The following ZNF429 variants were observed in gnomAD, a reference collection of about 807,000 sequenced individuals.
ZNF429 encodes the protein zinc finger protein 429.
ZNF429 carries 53 observed loss-of-function variants against 56.8 expected under a neutral mutation model. The ratio of observed to expected loss-of-function variants is 0.93; its 90% confidence interval spans 0.75 to 1.17. The LOEUF is 1.17. ZNF429 is among the 50% of genes most tolerant of loss of function. ZNF429 has a pLI of 0.00. For missense variants in ZNF429, 849 were observed against 788.4 expected (o/e 1.08, Z -0.92); for synonymous variants, 278 against 264.7 (o/e 1.05, Z -0.49).
intron 1 of ZNF429, among the ~76,000 whole-genome samples, chr19:21,510,494 A>C (rs2032399238): frequency 6.6e-6 from 1 of 152,210 alleles, no homozygotes; most frequent in East Asian, 1.9e-4. Context: ...TTATTAAGAA[A>C]ATAGAGGAAT....
At chr19:21,519,726 ATCGGTCTT>A (rs2032915011) in intron 1 of ZNF429, among the ~76,000 whole-genome samples, 1 of 152,038 alleles carries the variant, frequency 6.6e-6, no homozygotes, top group South Asian at 2.1e-4. Context: ...TTTTCTACCT[ATCGGTCTT>A]TCCAGTCTCC....
intron 1 of ZNF429, among the ~76,000 whole-genome samples, chr19:21,522,446 T>C (rs2145445996): frequency 6.6e-6 from 1 of 152,362 alleles, no homozygotes; most frequent in Non-Finnish European, 1.5e-5. Flanking sequence ...TTTTGTTCTA[T>C]CATTATGGAG....
Position 21,519,689 on chromosome 19 carries a change from G to A in ZNF429, c.4-9969G>A, listed in dbSNP as rs569209651. ...CAGTCTCTGGATGTTAATCCACTGGGTCTGAGTGCACTCAATAAAATCCTC... is the reference window on the plus strand; with the variant it reads ...CAGTCTCTGGATGTTAATCCACTGGATCTGAGTGCACTCAATAAAATCCTC... On this transcript the variant is annotated intron_variant, in intron 1 of 3. Transcript: ENST00000358491. Among the ~76,000 whole-genome samples the A allele has an allele frequency of 5.3e-5, 8 of 152,240 alleles. No homozygotes were observed. The South Asian group carries it at 8.3e-4, about 16-fold the overall frequency.
At chr19:21,525,004 C>A (rs1023441945) in intron 1 of ZNF429, among the ~76,000 whole-genome samples, 18 of 151,988 alleles carry the variant, frequency 1.2e-4, no homozygotes, top group Admixed American at 1.2e-3. Context: ...ATGAAGCAGT[C>A]ATGGTCCCTA....
At chr19:21,509,129 C>G (rs2032328712) in intron 1 of ZNF429, among the ~76,000 whole-genome samples, 1 of 151,946 alleles carries the variant, frequency 6.6e-6, no homozygotes. Flanking sequence ...CTGCCTCAGC[C>G]TCCCGAGTAG....
chr19:21,525,569 G>C (rs898976369), intron 1 of ZNF429, among the ~76,000 whole-genome samples: 2 of 152,050 alleles, frequency 1.3e-5, no homozygotes, highest in African/African-American at 4.8e-5. Flanking sequence ...GGTATATTTT[G>C]CTACCTTTCT....
At chr19:21,523,013 G>C (rs958537154) in intron 1 of ZNF429, among the ~76,000 whole-genome samples, 1 of 152,080 alleles carries the variant, frequency 6.6e-6, no homozygotes, top group African/African-American at 2.4e-5. Context: ...AATGTTACAG[G>C]GTGGAAATCA....
chr19:21,512,643 A>G (rs1599439442), intron 1 of ZNF429, among the ~76,000 whole-genome samples: 1 of 134,510 alleles, frequency 7.4e-6, no homozygotes, highest in African/African-American at 2.9e-5. Flanking sequence ...TGCCTGGGCG[A>G]CAGAGCAAGA....
In ZNF429 at chr19:21,539,876, T is replaced by C. The variant is rs116870247; in HGVS notation, c.*1798T>C. 2.0e-5 allele frequency among the ~76,000 whole-genome samples: 3 copies of C among 152,280 alleles called. No individual in the cohort carries two copies. Among genetic ancestry groups the C allele is most frequent in the African/African-American group, 4.8e-5 (2 of 41,558 alleles). ...TGATCAATTATTGCTGCATCACATA[T>C]AGACTCATTAGGTGGAAATTATGGC... On this transcript the variant is annotated 3_prime_UTR_variant, in exon 4 of 4. Coordinates refer to ENST00000358491, the MANE Select transcript of ZNF429 (RefSeq NM_001001415.4).
At chr19:21,521,920 G>T (rs2032997786) in intron 1 of ZNF429, 1 of 152,302 alleles carries the variant, frequency 6.6e-6, no homozygotes, top group Non-Finnish European at 1.5e-5. Flanking sequence ...CTCTGATGTG[G>T]CACTGGAGTG....
chr19:21,510,736 A>C (rs943757633), intron 1 of ZNF429, among the ~76,000 whole-genome samples: 2 of 151,608 alleles, frequency 1.3e-5, no homozygotes, highest in African/African-American at 4.8e-5. Flanking sequence ...GGCCTTCCGC[A>C]GTGTTTGTGT....
chr19:21,511,624 C>T (rs1027444116), intron 1 of ZNF429, among the ~76,000 whole-genome samples: 1 of 150,838 alleles, frequency 6.6e-6, no homozygotes, highest in Non-Finnish European at 1.5e-5. Context: ...CTCCTCACAT[C>T]CCAGATGATG....
intron 1 of ZNF429, among the ~76,000 whole-genome samples, chr19:21,524,230 C>G (rs2033083460): frequency 6.6e-6 from 1 of 152,148 alleles, no homozygotes. Flanking sequence ...CTATACCTAC[C>G]TGTAAAATGT....
At position 21,538,277 on chromosome 19, in the gene ZNF429, CAAAAAA is replaced by C. The variant is rs531427318; in HGVS notation, c.*216_*221del. Among the ~76,000 whole-genome samples the C allele has an allele frequency of 3.5e-4, 12 of 34,382 alleles. No homozygotes were observed. The highest frequency in any genetic ancestry group is 1.4e-3 in the African/African-American group (10 of 7,168). 22.6% of individuals were successfully genotyped at this position (34,382 alleles called of 152,430 possible). A position where few individuals can be genotyped will look rare whatever the true frequency, so the allele number is the denominator to read the frequency against. ...TGGGTGACAGAGCCAGACTCCATCTCAAAAAAAAAAAAAAAAAAAAAAGAAAAGAAA... is the reference window on the plus strand; with the variant it reads ...TGGGTGACAGAGCCAGACTCCATCTCAAAAAAAAAAAAAAAAGAAAAGAAA... On this transcript the variant is annotated 3_prime_UTR_variant, in exon 4 of 4. Coordinates refer to ENST00000358491, the MANE Select transcript of ZNF429 (RefSeq NM_001001415.4).
rs1484508337 is a variant in ZNF429 at position 21,537,155 on chromosome 19, C to A, written c.1102C>A (p.Pro368Thr). 1 of 1,613,914 alleles carries A rather than the reference C, an allele frequency of 6.2e-7. No individual in the cohort carries two copies. The highest frequency in any genetic ancestry group is 8.5e-7 in the Non-Finnish European group (1 of 1,179,972). Residue 368 changes from proline (P) to threonine (T), a missense_variant, in exon 4 of 4, where the codon CCC becomes ACC. Transcript: ENST00000358491. The part of the protein sequence containing the change: ...KHKVIHTGEK[P>T]YKCEECGKAF... ...TAAGGTAATTCATACTGGAGAGAAG[C>A]CCTACAAATGTGAAGAATGTGGCAA... is the stretch of plus-strand genomic sequence containing the variant.
At chr19:21,530,871 T>A in intron 3 of ZNF429, among the ~76,000 whole-genome samples, 187 bp downstream of exon 3, 1 of 152,046 alleles carries the variant, frequency 6.6e-6, no homozygotes, top group South Asian at 2.1e-4. Flanking sequence ...TTTGGGAGGC[T>A]GAGGTGGGCG....
rs148845371 is a variant in ZNF429 at position 21,536,442 on chromosome 19, A to G, written c.389A>G (p.Tyr130Cys). 313 of 1,613,764 alleles carry G rather than the reference A, an allele frequency of 1.9e-4. 1 individual carries two copies. The East Asian group carries it at 6.7e-3, about 35-fold the overall frequency. The change falls in exon 4 of 4, where the codon TAT becomes TGT. Residue 130 changes from tyrosine (Y) to cysteine (C), a missense_variant. By Grantham distance (194) the Tyr-to-Cys change is radical. Transcript: ENST00000358491. ...GATTGTAAGCTATACAAAGGAGGTT[A>G]TAATGGACTTAACCAATGTTTGACA... ...VGDCKLYKGG[Y>C]NGLNQCLTLT...
intron 1 of ZNF429, among the ~76,000 whole-genome samples, chr19:21,514,889 G>A (rs914083792): frequency 6.6e-6 from 1 of 151,806 alleles, no homozygotes; most frequent in African/African-American, 2.4e-5. Context: ...ATGAGCCACT[G>A]TGCCTGGCCA....
chr19:21,519,122 GAAAAT>G, intron 1 of ZNF429: 1 of 152,110 alleles, frequency 6.6e-6, no homozygotes, highest in East Asian at 1.9e-4. Flanking sequence ...GGAAATTAAA[GAAAAT>G]AAAATTAAAT....
Sources: gnomAD v4.1 joint callset for allele counts (sites outside exome capture counted in the v4.1 genomes callset) on GRCh38, gnomAD v4.1.1 for gene constraint, MANE v1.5 for transcripts, NCBI Gene and HGNC (gene_info 2026-07-23, HGNC 2026-07-21) for gene names.